The following PIR variants were observed in gnomAD, a reference collection of about 807,000 sequenced individuals.
PIR encodes pirin (iron-binding nuclear protein).
PIR carries 22 observed loss-of-function variants against 24.2 expected under a neutral mutation model. That is an observed-to-expected ratio of 0.91 (90% CI 0.65 to 1.30). The LOEUF (loss-of-function observed/expected upper bound fraction) is 1.30, where lower values mean the gene tolerates loss of function less well. Among genes scored for constraint, PIR ranks in the 50% most tolerant of loss-of-function variants. The pLI, the probability that PIR is intolerant of heterozygous loss-of-function variation, is 0.00. For synonymous variants in PIR, 80 were observed against 79.6 expected, an observed-to-expected ratio of 1.00 and a Z score of -0.03; for missense variants, 220 against 220.3, an observed-to-expected ratio of 1.00 and a Z score of 0.01.
intron 6 of PIR, among the ~76,000 whole-genome samples, chrX:15,413,976 T>A (rs1371596801): frequency 8.9e-6 from 1 of 111,902 alleles, no homozygotes; most frequent in Non-Finnish European, 1.9e-5. Flanking sequence ...ACTCATTGCA[T>A]CAGAAGCTAA....
intron 5 of PIR, among the ~76,000 whole-genome samples, chrX:15,434,126 G>A (rs1244937869): frequency 1.1e-5 from 1 of 87,532 alleles, no homozygotes; most frequent in African/African-American, 4.3e-5. Flanking sequence ...GAGGAGGGAG[G>A]AGAAAGAAGG....
rs753460660 is a variant in PIR, at chrX:15,385,589, C to T, written c.761-473G>A. 1.3e-4 allele frequency among the ~76,000 whole-genome samples: 15 copies of T among 112,068 alleles called. No individual in the cohort carries two copies. The South Asian group carries it at 1.9e-3, about 14-fold the overall frequency. The stretch of plus-strand genomic sequence containing the variant: ...TAAGTCATTTTTTGAAAATCAGCAG[C>T]ACCTATTGACAATAAACAGAAGATT... On this transcript the variant is annotated intron_variant, in intron 9 of 9. Transcript: ENST00000380420.
At chrX:15,472,468 C>T (rs988977950) in intron 3 of PIR, among the ~76,000 whole-genome samples, 1 of 111,955 alleles carries the variant, frequency 8.9e-6, no homozygotes, top group Admixed American at 9.4e-5. Context: ...ATAGAATATC[C>T]ATACGATACA....
chrX:15,451,278 A>G (rs1920963634), intron 5 of PIR, among the ~76,000 whole-genome samples: 1 of 110,604 alleles, frequency 9.0e-6, no homozygotes, highest in Admixed American at 9.7e-5. Flanking sequence ...AGATAAGAAG[A>G]CACCTGCCTG....
At chrX:15,489,592 C>G (rs1923049674) in intron 2 of PIR, among the ~76,000 whole-genome samples, 1 of 111,861 alleles carries the variant, frequency 8.9e-6, no homozygotes, top group Non-Finnish European at 1.9e-5. Context: ...GATACCAACT[C>G]CATCTGCATC....
intron 7 of PIR, among the ~76,000 whole-genome samples, chrX:15,404,385 A>G (rs1924491764): frequency 8.9e-6 from 1 of 112,436 alleles, no homozygotes; most frequent in African/African-American, 3.2e-5. Context: ...TCCTGTAATC[A>G]GTTAATATTT....
At chrX:15,399,397 G>A (rs1484907400) in intron 7 of PIR, among the ~76,000 whole-genome samples, 1 of 112,239 alleles carries the variant, frequency 8.9e-6, no homozygotes, top group Non-Finnish European at 1.9e-5. Flanking sequence ...ACCAATATGA[G>A]GCAGCAGGGT....
rs752039588 is a variant in PIR at position 15,424,531 on chromosome X, C to T, written c.565+1375G>A. 3.6e-5 allele frequency among the ~76,000 whole-genome samples: 4 copies of T among 111,922 alleles called. No homozygotes were observed. The South Asian group carries it at 1.5e-3, about 42-fold the overall frequency. On this transcript the variant is annotated intron_variant, in intron 6 of 9. Coordinates refer to ENST00000380420, the MANE Select transcript of PIR (RefSeq NM_001018109.3). ...GTTTACAACAATCTTTGTATATTTC[C>T]AAACAGCTAGAAAAGAATAATTCAA...
At chrX:15,431,730 A>G (rs1168063516) in intron 5 of PIR, among the ~76,000 whole-genome samples, 2 of 101,285 alleles carry the variant, frequency 2.0e-5, no homozygotes, top group East Asian at 7.2e-4. Context: ...GCTTAATCTG[A>G]AGAAAAAAGT....
At chrX:15,420,797 AC>A (rs1223228547) in intron 6 of PIR, among the ~76,000 whole-genome samples, 5 of 111,096 alleles carry the variant, frequency 4.5e-5, no homozygotes, top group Non-Finnish European at 9.4e-5. Flanking sequence ...TAATTGTGCC[AC>A]TTTACTCCAG....
At chrX:15,462,347 A>G (rs1432545490) in intron 3 of PIR, among the ~76,000 whole-genome samples, 1 of 112,304 alleles carries the variant, frequency 8.9e-6, no homozygotes, top group Non-Finnish European at 1.9e-5. Context: ...TGTGTAATCT[A>G]TTTGGATTCG....
At chrX:15,398,374 A>C (rs1359779915) in intron 7 of PIR, among the ~76,000 whole-genome samples, 1 of 112,104 alleles carries the variant, frequency 8.9e-6, no homozygotes, top group Admixed American at 9.5e-5. Flanking sequence ...TAAATTCATA[A>C]GCAAAGTTCA....
At chrX:15,388,436 G>A (rs1057022317) in intron 9 of PIR, among the ~76,000 whole-genome samples, 2 of 112,046 alleles carry the variant, frequency 1.8e-5, no homozygotes, top group African/African-American at 6.5e-5. Context: ...GTGACCTTGA[G>A]TAAGCCAATG....
rs564065530 is a variant in PIR, at chrX:15,447,034, T to C, written c.480+8814A>G. 3.1e-4 allele frequency among the ~76,000 whole-genome samples: 35 copies of C among 112,526 alleles called. No individual in the cohort carries two copies. In the South Asian group the frequency reaches 0.012, roughly 39 times the overall value. On this transcript the variant is annotated intron_variant, in intron 5 of 9. Transcript: ENST00000380420. ...AAATACTTGGCTATCTTGGAGTACA[T>C]ATACCTGTCCACAGGAGTAGAATTC...
At chrX:15,479,869 A>AT in intron 2 of PIR, 48 bp from the exon 3 acceptor site, 1 of 665,218 alleles carries the variant, frequency 1.5e-6, no homozygotes, top group Non-Finnish European at 2.3e-6. Context: ...TTTAAGCCAT[A>AT]CTACCAGGGG....
At chrX:15,456,849 G>A (rs1921103667) in intron 4 of PIR, among the ~76,000 whole-genome samples, 1 of 112,569 alleles carries the variant, frequency 8.9e-6, no homozygotes, top group Non-Finnish European at 1.9e-5. Flanking sequence ...GATTCTTCAA[G>A]TGTTTGTTCA....
chrX:15,422,459 TAAAC>T (rs1309765154), intron 6 of PIR, among the ~76,000 whole-genome samples: 2 of 109,939 alleles, frequency 1.8e-5, no homozygotes, highest in Non-Finnish European at 3.8e-5. Context: ...TTAAGACTAA[TAAAC>T]AAATTTGGTA....
At chrX:15,428,663 C>G (rs1213251149) in intron 5 of PIR, among the ~76,000 whole-genome samples, 1 of 111,386 alleles carries the variant, frequency 9.0e-6, no homozygotes, top group African/African-American at 3.3e-5. Context: ...CTCTGTCTCT[C>G]TCTCTCTTTC....
chrX:15,422,043 GA>G (rs56909108), intron 6 of PIR, among the ~76,000 whole-genome samples: 4,332 of 110,631 alleles, frequency 0.039, 217 homozygotes, highest in African/African-American at 0.13. Context: ...GAATCAAGAA[GA>G]AAAAACATCA....
Sources: allele counts gnomAD v4.1 joint callset (sites outside exome capture counted in the v4.1 genomes callset), GRCh38; gene constraint gnomAD v4.1.1; transcripts MANE v1.5; gene names NCBI Gene and HGNC (gene_info 2026-07-23, HGNC 2026-07-21).